The following LMF1 variants were observed in gnomAD, a reference collection of about 807,000 sequenced individuals.
LMF1 encodes lipase maturation factor 1.
LMF1 carries 68 observed loss-of-function variants against 60.6 expected under a neutral mutation model. The observed-to-expected ratio is 1.12, with a 90% confidence interval of 0.92 to 1.37. LMF1 has a LOEUF of 1.37. LMF1 is among the 40% of genes most tolerant of loss of function. The pLI is 0.00. For missense variants in LMF1, 948 were observed against 767.2 expected, an observed-to-expected ratio of 1.24 and a Z score of -2.78; for synonymous variants, 418 against 324.7, an observed-to-expected ratio of 1.29 and a Z score of -3.09.
Position 853,921 on chromosome 16 carries a change from G to C in LMF1, c.*611C>G, listed in dbSNP as rs978593410. On this transcript the variant is annotated 3_prime_UTR_variant, in exon 11 of 11. Coordinates refer to ENST00000262301, the MANE Select transcript of LMF1 (RefSeq NM_022773.4). Reference sequence around the variant, plus strand: ...CCAAGAACACATGTGTGCACAGGCTGTGTGTGCCTGCATGTGTGGGATGCG... The same window carrying C: ...CCAAGAACACATGTGTGCACAGGCTCTGTGTGCCTGCATGTGTGGGATGCG... The C allele has an allele frequency of 1.3e-5, 6 of 454,040 alleles. No individual in the cohort carries two copies. The highest frequency in any genetic ancestry group is 7.8e-5 in the South Asian group (5 of 64,480). 28.1% of individuals were successfully genotyped at this position (454,040 alleles called of 1,614,324 possible).
chr16:970,646 C>G (rs2073023385), intron 1 of LMF1, 142 bp downstream of exon 1: 1 of 758,452 alleles, frequency 1.3e-6, no homozygotes, highest in Non-Finnish European at 2.0e-6. Flanking sequence ...GCCCGCCCCG[C>G]CTTGCCCGGG....
intron 4 of LMF1, among the ~76,000 whole-genome samples, chr16:898,809 G>A (rs1288740403): frequency 6.6e-6 from 1 of 152,218 alleles, no homozygotes; most frequent in Non-Finnish European, 1.5e-5. Flanking sequence ...TGTGATCACG[G>A]TTTTAACTTA....
intron 2 of LMF1, chr16:947,553 C>T (rs1188893113): frequency 2.2e-6 from 1 of 456,074 alleles, no homozygotes; most frequent in Admixed American, 2.3e-5. Flanking sequence ...TCCGTCCTGC[C>T]CAGGAAGGAA....
chr16:954,512 C>T lies in LMF1; in HGVS notation c.348G>A (p.Leu116=). ...TGGAGTTCATGTCTGACCAGTCCATCAGCCAGAGGATGGTGGGCATGTAGC... is the reference window on the plus strand; with the variant it reads ...TGGAGTTCATGTCTGACCAGTCCATTAGCCAGAGGATGGTGGGCATGTAGC... ...VFSYMPTILW[L]MDWSDMNSNL... is the part of the protein sequence containing the mutation. Residue 116 remains leucine (L), a synonymous_variant, in exon 2 of 11, where the codon CTG becomes CTA. Coordinates refer to ENST00000262301, the MANE Select transcript of LMF1 (RefSeq NM_022773.4). 6.2e-7 allele frequency: 1 copy of T among 1,612,982 alleles called. No individual in the cohort carries two copies. Among genetic ancestry groups the T allele is most frequent in the Non-Finnish European group, 8.5e-7 (1 of 1,179,628 alleles).
rs1597014534 is a variant in LMF1 at position 928,745 on chromosome 16, C to T, written c.514+5499G>A. Among the ~76,000 whole-genome samples the T allele has an allele frequency of 3.3e-5, 5 of 149,604 alleles. No individual in the cohort carries two copies. In the South Asian group the frequency reaches 1.1e-3, roughly 33 times the overall value. On this transcript the variant is annotated intron_variant, in intron 3 of 10. Coordinates refer to ENST00000262301, the MANE Select transcript of LMF1 (RefSeq NM_022773.4). The stretch of plus-strand genomic sequence containing the variant: ...CCACCCCACACCCCCACGGGCCCAT[C>T]CCCACGCCCCCACGGGCCCATCCCT...
upstream of LMF1, among the ~76,000 whole-genome samples, chr16:974,083 G>A (rs34319385): frequency 0.091 from 13,839 of 151,878 alleles, 718 homozygotes; most frequent in African/African-American, 0.12. Context: ...AGAATCGCCC[G>A]GAAGGCGCTG....
At chr16:906,536 A>G (rs2070976070) in intron 4 of LMF1, among the ~76,000 whole-genome samples, 1 of 151,926 alleles carries the variant, frequency 6.6e-6, no homozygotes. Context: ...CCGTTCTGAG[A>G]CTCGGGACCG....
intron 6 of LMF1, chr16:873,379 G>A (rs1304624717): frequency 6.6e-5 from 10 of 151,816 alleles, no homozygotes; most frequent in African/African-American, 2.2e-4. Flanking sequence ...GCGGAGGCGA[G>A]GCCCGAGGGG....
chr16:922,707 T>C (rs1428924108), intron 3 of LMF1, among the ~76,000 whole-genome samples: 2 of 135,730 alleles, frequency 1.5e-5, no homozygotes, highest in African/African-American at 5.8e-5. Flanking sequence ...GAAGGCCCTG[T>C]GTGAAAGTCG....
chr16:958,493 T>A (rs2072753349), intron 1 of LMF1, among the ~76,000 whole-genome samples: 1 of 152,188 alleles, frequency 6.6e-6, no homozygotes, highest in Non-Finnish European at 1.5e-5. Flanking sequence ...AAATAACACG[T>A]GAAAAGATGC....
chr16:876,410 G>A (rs760646444), intron 6 of LMF1, among the ~76,000 whole-genome samples: 37 of 152,154 alleles, frequency 2.4e-4, no homozygotes, highest in Non-Finnish European at 4.3e-4. Context: ...TCCGTTTGTC[G>A]GAGCTCACAG....
At position 954,519 on chromosome 16, in the gene LMF1, A is replaced by G; in HGVS notation, c.341T>C (p.Leu114Pro). 6.2e-7 allele frequency: 1 copy of G among 1,613,122 alleles called. No homozygotes were observed. The highest frequency in any genetic ancestry group is 1.7e-5 in the Admixed American group (1 of 59,914). The change falls in exon 2 of 11, where the codon CTC becomes CCC. Residue 114 changes from leucine (L) to proline (P), a missense_variant. Transcript: ENST00000262301. The stretch of plus-strand genomic sequence containing the variant: ...CATGTCTGACCAGTCCATCAGCCAG[A>G]GGATGGTGGGCATGTAGCTGAAGAC... Reference protein sequence around the residue: ...WEVFSYMPTILWLMDWSDMNS... With the variant: ...WEVFSYMPTIPWLMDWSDMNS...
chr16:936,858 C>G (rs534602565), intron 2 of LMF1, among the ~76,000 whole-genome samples: 1 of 152,286 alleles, frequency 6.6e-6, no homozygotes, highest in Non-Finnish European at 1.5e-5. Context: ...GTCCCAGTGA[C>G]CTTGGGGCCG....
chr16:865,221 C>T (rs1596848211), intron 10 of LMF1, among the ~76,000 whole-genome samples: 1 of 152,188 alleles, frequency 6.6e-6, no homozygotes, highest in Non-Finnish European at 1.5e-5. Context: ...TTGCCCTCAT[C>T]CATTTATAGT....
At chr16:917,007 T>C (rs1330064200) in intron 3 of LMF1, among the ~76,000 whole-genome samples, 3 of 152,202 alleles carry the variant, frequency 2.0e-5, no homozygotes, top group African/African-American at 7.2e-5. Context: ...TCTGAGAGCA[T>C]GAGTACTGCT....
intron 6 of LMF1, among the ~76,000 whole-genome samples, chr16:875,159 C>T (rs566532167): frequency 6.6e-5 from 10 of 152,184 alleles, no homozygotes; most frequent in African/African-American, 1.7e-4. Context: ...CTGCCTGTGC[C>T]GGGTCTTTGA....
chr16:894,656 G>A (rs1299849027), intron 4 of LMF1, among the ~76,000 whole-genome samples: 2 of 152,248 alleles, frequency 1.3e-5, no homozygotes, highest in African/African-American at 2.4e-5. Flanking sequence ...GGCGATGGCT[G>A]TGGTGGGTGT....
At position 893,250 on chromosome 16, in the gene LMF1, G is replaced by A. The variant is rs564933735; in HGVS notation, c.664-178C>T. On this transcript the variant is annotated intron_variant, in intron 4 of 10. Transcript: ENST00000262301. Reference sequence around the variant, plus strand: ...CTCAGGAAGGCAGAATTTGAGAAGGGCAGATTCAGGGCTGCTTTGAGGACA... The same window carrying A: ...CTCAGGAAGGCAGAATTTGAGAAGGACAGATTCAGGGCTGCTTTGAGGACA... The A allele has an allele frequency of 6.1e-5, 42 of 687,658 alleles. 1 individual carries two copies. The highest frequency in any genetic ancestry group is 6.0e-4 in the South Asian group (40 of 66,660). 42.6% of individuals were successfully genotyped at this position (687,658 alleles called of 1,614,324 possible). A position where few individuals can be genotyped will look rare whatever the true frequency, so the allele number is the denominator to read the frequency against.
At chr16:875,635 G>A (rs892431921) in intron 6 of LMF1, among the ~76,000 whole-genome samples, 1 of 152,168 alleles carries the variant, frequency 6.6e-6, no homozygotes, top group African/African-American at 2.4e-5. Flanking sequence ...CACGGGCCAT[G>A]GAAGCGGGAG....
Sources: gnomAD v4.1 joint callset for allele counts (sites outside exome capture counted in the v4.1 genomes callset) on GRCh38, gnomAD v4.1.1 for gene constraint, MANE v1.5 for transcripts, NCBI Gene and HGNC (gene_info 2026-07-23, HGNC 2026-07-21) for gene names.